Variants in PALM observed in about 807,000 individuals in gnomAD.
PALM encodes paralemmin-1.
In PALM, 18 loss-of-function variants were observed where a neutral mutation model predicts 30.7. The observed-to-expected ratio is 0.59, with a 90% CI of 0.41 to 0.87. PALM has a LOEUF of 0.87. Ranked by LOEUF, PALM falls within the 40% of genes least tolerant of loss-of-function variation. PALM has a pLI of 0.00. For missense variants in PALM, 529 were observed against 555.4 expected, an observed-to-expected ratio of 0.95 and a Z score of 0.48; for synonymous variants, 286 against 242.8, an observed-to-expected ratio of 1.18 and a Z score of -1.66.
At chr19:726,984 G>GACCCCCCCCCGCCC (rs2032686323) in intron 2 of PALM, 24 bp from the exon 3 acceptor site, 5 of 1,183,056 alleles carry the variant, frequency 4.2e-6, no homozygotes, top group Non-Finnish European at 4.8e-6. Context: ...GCCCATCCCT[G>GACCCCCCCCCGCCC]ACCCCACCCG....
rs552525400 is a variant in PALM, at chr19:741,243, G to T, written c.634+760G>T. On this transcript the variant is annotated intron_variant, in intron 8 of 8. Coordinates refer to ENST00000338448, the MANE Select transcript of PALM (RefSeq NM_002579.3). Reference sequence around the variant, plus strand: ...GTCTCACAGGGTGAGGATGGGGCCGGGGGAGGCTTCCCAGAGGAGGCAAGC... The same window carrying T: ...GTCTCACAGGGTGAGGATGGGGCCGTGGGAGGCTTCCCAGAGGAGGCAAGC... 5.3e-5 allele frequency among the ~76,000 whole-genome samples: 8 copies of T among 152,242 alleles called. No homozygotes were observed. In the South Asian group the frequency reaches 1.7e-3, roughly 32 times the overall value.
chr19:723,722 C>T (rs1168670979), intron 1 of PALM, among the ~76,000 whole-genome samples: 1 of 152,122 alleles, frequency 6.6e-6, no homozygotes, highest in Non-Finnish European at 1.5e-5. Flanking sequence ...CCTCAAGTAG[C>T]TGGTTTTACA....
intron 3 of PALM, 139 bp downstream of exon 3, chr19:727,227 A>T (rs1005413894): frequency 1.8e-6 from 1 of 557,348 alleles, no homozygotes; most frequent in Non-Finnish European, 3.1e-6. Context: ...CCTGACCCCG[A>T]CCCTGACCCC....
intron 4 of PALM, among the ~76,000 whole-genome samples, chr19:730,273 C>G (rs2067030): frequency 0.45 from 68,795 of 151,774 alleles, 16,318 homozygotes; most frequent in African/African-American, 0.59. Flanking sequence ...ACCTGTCAGC[C>G]TGGGCCCACC....
At chr19:744,107 A>G (rs2033266959) in intron 8 of PALM, among the ~76,000 whole-genome samples, 1 of 152,228 alleles carries the variant, frequency 6.6e-6, no homozygotes, top group Non-Finnish European at 1.5e-5. Flanking sequence ...ACACTTGAAA[A>G]TGAATAACAT....
At chr19:732,190 G>T (rs552172674) in intron 5 of PALM, among the ~76,000 whole-genome samples, 119 of 152,292 alleles carry the variant, frequency 7.8e-4, no homozygotes, top group African/African-American at 2.8e-3. Context: ...CCAGGCTGGG[G>T]TTTTCATGGT....
chr19:733,961 G>A (rs2032945572), intron 5 of PALM, among the ~76,000 whole-genome samples: 2 of 152,170 alleles, frequency 1.3e-5, no homozygotes, highest in African/African-American at 4.8e-5. Flanking sequence ...ACTCCGGCCT[G>A]GGCGACAAGA....
At chr19:726,799 G>A (rs1231718928) in intron 2 of PALM, among the ~76,000 whole-genome samples, 4 of 152,192 alleles carry the variant, frequency 2.6e-5, no homozygotes, top group Admixed American at 1.3e-4. Flanking sequence ...CACCGTGCCC[G>A]GCCAGTCATT....
chr19:710,337 C>T (rs1296013475), intron 1 of PALM, among the ~76,000 whole-genome samples: 1 of 152,196 alleles, frequency 6.6e-6, no homozygotes, highest in African/African-American at 2.4e-5. Flanking sequence ...GGCCTGACCC[C>T]TCTCCCCGTC....
intron 1 of PALM, chr19:711,226 G>C (rs1479300668): frequency 2.8e-5 from 27 of 978,962 alleles, no homozygotes; most frequent in Admixed American, 6.2e-5. Context: ...GAAGGAGCTG[G>C]GGAGAATCTC....
chr19:737,951 C>G lies in PALM; in HGVS notation c.502+1873C>G, dbSNP rs539910201. On this transcript the variant is annotated intron_variant, in intron 7 of 8. Transcript: ENST00000338448. The stretch of plus-strand genomic sequence containing the variant: ...GCTCACCCACGCCCTCTGGTGACTG[C>G]AGGGAGAACAGACCGTGGACGGTGC... Among the ~76,000 whole-genome samples the G allele has an allele frequency of 2.7e-4, 41 of 152,190 alleles. No individual in the cohort carries two copies. The East Asian group carries it at 3.5e-3, about 13-fold the overall frequency.
chr19:741,054 A>G (rs2033171579), intron 8 of PALM, among the ~76,000 whole-genome samples: 1 of 151,796 alleles, frequency 6.6e-6, no homozygotes, highest in Non-Finnish European at 1.5e-5. Context: ...TGGGAGGATC[A>G]CTTGGGCCCA....
intron 8 of PALM, among the ~76,000 whole-genome samples, chr19:744,983 C>G (rs2144932534): frequency 6.6e-6 from 1 of 151,592 alleles, no homozygotes; most frequent in South Asian, 2.1e-4. Flanking sequence ...AGTTCAAGAC[C>G]AGACTGGCCA....
rs892942345 is a variant in PALM at position 722,068 on chromosome 19, G to A, written c.6-4070G>A. On this transcript the variant is annotated intron_variant, in intron 1 of 8. Transcript: ENST00000338448. ...CGAGTAGCTGGGACTACAGGCACCC[G>A]CCACCACGCCGGGCTAATTTTTTGT... Among the ~76,000 whole-genome samples, 6 of 151,246 alleles carry A rather than the reference G, an allele frequency of 4.0e-5. No individual in the cohort carries two copies. In the East Asian group the frequency reaches 5.9e-4, roughly 15 times the overall value.
At chr19:741,709 C>A (rs74497968) in intron 8 of PALM, among the ~76,000 whole-genome samples, 3,663 of 152,012 alleles carry the variant, frequency 0.024, 141 homozygotes, top group African/African-American at 0.084. Flanking sequence ...TGGGTCCTGA[C>A]GGTGCTGAGG....
intron 7 of PALM, among the ~76,000 whole-genome samples, chr19:739,367 G>C (rs2033119644): frequency 6.6e-6 from 1 of 152,114 alleles, no homozygotes; most frequent in Non-Finnish European, 1.5e-5. Context: ...ATCTCTCTGG[G>C]ATTCACCTGC....
At position 709,081 on chromosome 19, in the gene PALM, C is replaced by G. The variant is rs1403039426; in HGVS notation, c.-66C>G. The stretch of plus-strand genomic sequence containing the variant: ...AGGCCGCGTCCCCCTCCCCTCCCCT[C>G]CCCCGCGCGCCACCCGCGCCCGCCC... On this transcript the variant is annotated 5_prime_UTR_variant, in exon 1 of 9. Coordinates refer to ENST00000338448, the MANE Select transcript of PALM (RefSeq NM_002579.3). The surrounding 1 kb of genome is among the most constrained non-coding windows in gnomAD (Gnocchi z 4.3). 1 of 253,508 alleles carries G rather than the reference C, an allele frequency of 3.9e-6. No individual in the cohort carries two copies. The highest frequency in any genetic ancestry group is 7.5e-6 in the Non-Finnish European group (1 of 133,796). The allele number at this position is 253,508 out of a possible 1,614,324, so 15.7% of individuals were successfully genotyped here. A position where few individuals can be genotyped will look rare whatever the true frequency, so the allele number is the denominator to read the frequency against.
chr19:727,697 G>A lies in PALM; in HGVS notation c.269+3G>A. 2 of 1,549,156 alleles carry A rather than the reference G, an allele frequency of 1.3e-6. No individual in the cohort carries two copies. The highest frequency in any genetic ancestry group is 1.7e-6 in the Non-Finnish European group (2 of 1,145,616). On this transcript the variant is annotated splice_donor_region_variant and intron_variant, in intron 4 of 8. Coordinates refer to ENST00000338448, the MANE Select transcript of PALM (RefSeq NM_002579.3). ...CTGCTGGAGGACTCGGTGTCCAGGT[G>A]GGGGCTGCAGCGTGGGTGCCACCGG...
At chr19:714,956 CT>C (rs1375728489) in intron 1 of PALM, among the ~76,000 whole-genome samples, 4 of 152,174 alleles carry the variant, frequency 2.6e-5, no homozygotes, top group African/African-American at 9.7e-5. Context: ...TGCACCCAGC[CT>C]GATGTTCTTT....
Sources: gnomAD v4.1 joint callset for allele counts (sites outside exome capture counted in the v4.1 genomes callset) on GRCh38, gnomAD v4.1.1 for gene constraint, Gnocchi (gnomAD v3.1) non-coding constraint, MANE v1.5 for transcripts, NCBI Gene and HGNC (gene_info 2026-07-23, HGNC 2026-07-21) for gene names.